COL24A1: variants seen among roughly 807,000 people sequenced by gnomAD.
COL24A1 encodes collagen alpha-1(XXIV) chain.
A neutral mutation model predicts 253.9 loss-of-function variants in COL24A1; 224 were observed. The ratio of observed to expected loss-of-function variants is 0.88; its 90% CI spans 0.79 to 0.99. The LOEUF (loss-of-function observed/expected upper bound fraction) is 0.99. Ranked by LOEUF, COL24A1 falls within the 50% of genes least tolerant of loss-of-function variation. The probability of loss-of-function intolerance (pLI) is 0.00; values close to 1 mark genes in which losing one functional copy is unlikely to be tolerated. For synonymous variants in COL24A1, 685 were observed against 673.7 expected (o/e 1.02, Z -0.26); for missense variants, 2,131 against 2,068.5 (o/e 1.03, Z -0.59).
intron 19 of COL24A1, among the ~76,000 whole-genome samples, chr1:85,993,986 G>T (rs1694536525): frequency 6.6e-6 from 1 of 151,860 alleles, no homozygotes; most frequent in Admixed American, 6.6e-5. Context: ...TATTTTGCAA[G>T]GTAGCTTTAA....
intron 55 of COL24A1, among the ~76,000 whole-genome samples, chr1:85,746,872 T>C (rs1226637041): frequency 1.3e-5 from 2 of 152,074 alleles, no homozygotes; most frequent in South Asian, 4.2e-4. Context: ...ATTTTGGATA[T>C]GGGTCACACA....
intron 2 of COL24A1, among the ~76,000 whole-genome samples, chr1:86,128,421 A>G (rs1648646754): frequency 1.3e-5 from 2 of 152,016 alleles, no homozygotes; most frequent in Admixed American, 1.3e-4. Context: ...CAATGCTTAA[A>G]TTTAAAGTAT....
At chr1:86,095,030 G>A in intron 5 of COL24A1, among the ~76,000 whole-genome samples, 1 of 151,848 alleles carries the variant, frequency 6.6e-6, no homozygotes, top group East Asian at 1.9e-4. Context: ...AAGCTAACTA[G>A]TTGATTCAAG....
At chr1:85,911,870 T>C (rs1057318969) in intron 24 of COL24A1, among the ~76,000 whole-genome samples, 1 of 152,052 alleles carries the variant, frequency 6.6e-6, no homozygotes, top group African/African-American at 2.4e-5. Flanking sequence ...ACTCAAGAAA[T>C]ATTTGGTGCC....
At chr1:85,803,429 CAA>C (rs35026268) in intron 47 of COL24A1, among the ~76,000 whole-genome samples, 1,941 of 115,462 alleles carry the variant, frequency 0.017, 31 homozygotes, top group African/African-American at 0.056. Context: ...GACTCCATCT[CAA>C]AAAAAAAAAA....
chr1:86,114,187 G>A (rs1705899971), intron 4 of COL24A1, among the ~76,000 whole-genome samples: 1 of 152,184 alleles, frequency 6.6e-6, no homozygotes, highest in Admixed American at 6.5e-5. Flanking sequence ...TAGATGAGGT[G>A]AAATTAGGAA....
At chr1:86,118,647 A>T (rs1209769461) in intron 3 of COL24A1, among the ~76,000 whole-genome samples, 1 of 152,132 alleles carries the variant, frequency 6.6e-6, no homozygotes, top group African/African-American at 2.4e-5. Context: ...CATAATTACA[A>T]ATTTTACTTA....
intron 53 of COL24A1, among the ~76,000 whole-genome samples, chr1:85,769,334 A>G (rs1472652654): frequency 6.6e-6 from 1 of 152,198 alleles, no homozygotes; most frequent in East Asian, 1.9e-4. Flanking sequence ...CAGTTGGTAG[A>G]GGCACAGGTA....
At chr1:85,887,495 C>A (rs1228904167) in intron 32 of COL24A1, among the ~76,000 whole-genome samples, 7 of 150,664 alleles carry the variant, frequency 4.6e-5, no homozygotes, top group Non-Finnish European at 7.4e-5. Flanking sequence ...TTTTCAAGGG[C>A]AAGACAGTAA....
chr1:85,872,736 T>C (rs1304361458), intron 35 of COL24A1, among the ~76,000 whole-genome samples: 1 of 152,122 alleles, frequency 6.6e-6, no homozygotes, highest in Non-Finnish European at 1.5e-5. Context: ...ATAAAAACCC[T>C]AGAAGAAAAC....
At chr1:85,830,410 C>T (rs1037301469) in intron 43 of COL24A1, among the ~76,000 whole-genome samples, 2 of 152,136 alleles carry the variant, frequency 1.3e-5, no homozygotes, top group Non-Finnish European at 2.9e-5. Context: ...GTGGAGCCTA[C>T]AGAGGCAGGC....
At chr1:85,956,749 G>A (rs761154213) in intron 24 of COL24A1, among the ~76,000 whole-genome samples, 5 of 152,092 alleles carry the variant, frequency 3.3e-5, no homozygotes, top group Non-Finnish European at 7.4e-5. Flanking sequence ...AGTCCCCACC[G>A]ATTATTTGCC....
chr1:86,145,762 T>C (rs1245419078), intron 2 of COL24A1, among the ~76,000 whole-genome samples: 2 of 152,074 alleles, frequency 1.3e-5, no homozygotes, highest in African/African-American at 4.8e-5. Context: ...ATTTTTTATA[T>C]GCTTTTGTTG....
chr1:85,914,343 T>TGTGC (rs1558634483), intron 24 of COL24A1, among the ~76,000 whole-genome samples: 3 of 144,442 alleles, frequency 2.1e-5, no homozygotes, highest in African/African-American at 7.7e-5. Flanking sequence ...TGTGTGTGTG[T>TGTGC]GCAGCAAATA....
intron 32 of COL24A1, among the ~76,000 whole-genome samples, chr1:85,885,397 A>ATATATATATATAT (rs60994639): frequency 1.1e-4 from 14 of 128,906 alleles, no homozygotes; most frequent in African/African-American, 3.5e-4. Context: ...ATATATATAT[A>ATATATATATATAT]TTTTTTTTTT....
intron 11 of COL24A1, 70 bp downstream of exon 11, chr1:86,050,054 T>G (rs993815351): frequency 3.7e-6 from 5 of 1,337,772 alleles, no homozygotes; most frequent in Non-Finnish European, 5.2e-6. Flanking sequence ...ACATCTGATT[T>G]TATGACCCCC....
chr1:85,730,575 T>C lies in COL24A1; in HGVS notation c.5116A>G (p.Ile1706Val). Reference sequence around the variant, plus strand: ...AGAAAGCATACAGAACTGCTGTCAATGTAATACTTTCGTTCAGTTTTGAGA... The same window carrying C: ...AGAAAGCATACAGAACTGCTGTCAACGTAATACTTTCGTTCAGTTTTGAGA... ...PHLKTERKYY[I>V]DSSSVCFL The change falls in exon 60 of 60, where the codon ATT (isoleucine) becomes GTT (valine). Residue 1706 changes from isoleucine to valine, a missense_variant. Ile to Val is a conservative substitution (Grantham distance 29). Transcript: ENST00000370571. The C allele has an allele frequency of 1.9e-6, 3 of 1,614,018 alleles. No individual in the cohort carries two copies. Among genetic ancestry groups the C allele is most frequent in the Non-Finnish European group, 2.5e-6 (3 of 1,179,904 alleles).
At chr1:85,808,276 T>A (rs545802953) in intron 47 of COL24A1, among the ~76,000 whole-genome samples, 28 of 152,346 alleles carry the variant, frequency 1.8e-4, no homozygotes, top group African/African-American at 6.7e-4. Context: ...TCTGTTTTAC[T>A]CATGTGTTTG....
At chr1:85,933,560 C>T (rs1687993387) in intron 24 of COL24A1, among the ~76,000 whole-genome samples, 1 of 152,174 alleles carries the variant, frequency 6.6e-6, no homozygotes, top group African/African-American at 2.4e-5. Context: ...GCAAAGGTGC[C>T]ATATAACCTC....
Sources: gnomAD v4.1 joint callset for allele counts (sites outside exome capture counted in the v4.1 genomes callset) on GRCh38, gnomAD v4.1.1 for gene constraint, MANE v1.5 for transcripts, NCBI Gene and HGNC (gene_info 2026-07-23, HGNC 2026-07-21) for gene names.